The following CNTNAP4 variants were observed in gnomAD, a reference collection of about 807,000 sequenced individuals.
CNTNAP4 encodes contactin associated protein family member 4, also known as contactin-associated protein-like 4.
In CNTNAP4, 98 loss-of-function variants were observed where a neutral mutation model predicts 148.4. That is an observed-to-expected ratio of 0.66 (90% CI 0.56 to 0.78). The LOEUF (loss-of-function observed/expected upper bound fraction) is 0.78, where lower values mean the gene tolerates loss of function less well. Ranked by LOEUF, CNTNAP4 falls within the 30% of genes least tolerant of loss-of-function variation. The probability of loss-of-function intolerance (pLI) is 0.00; values close to 1 mark genes in which losing one functional copy is unlikely to be tolerated. For synonymous variants in CNTNAP4, 730 were observed against 565.1 expected, an observed-to-expected ratio of 1.29 and a Z score of -4.14; for missense variants, 1,935 against 1,565.6, an observed-to-expected ratio of 1.24 and a Z score of -3.98.
In CNTNAP4 at chr16:76,467,447, G is replaced by A. The variant is rs1167281673; in HGVS notation, c.1579G>A (p.Asp527Asn). Residue 527 changes from aspartate (D) to asparagine (N), a missense_variant, in exon 10 of 24, where the codon GAT (aspartate) becomes AAT (asparagine). By Grantham distance (23) the Asp-to-Asn change is conservative. Coordinates refer to ENST00000611870, the MANE Select transcript of CNTNAP4 (RefSeq NM_033401.5). ...CATTTCTATCAGCGGCAAAGTGGTA[G>A]ATCTGATTTCAGTTCAGCAGGGGTC... ...RLISISGKVV[D>N]LISVQQGSLG... 6.2e-7 allele frequency: 1 copy of A among 1,613,876 alleles called. No individual in the cohort carries two copies. The highest frequency in any genetic ancestry group is 2.2e-5 in the East Asian group (1 of 44,856).
chr16:76,504,040 A>T (rs987027625), intron 15 of CNTNAP4, among the ~76,000 whole-genome samples: 1 of 152,134 alleles, frequency 6.6e-6, no homozygotes, highest in Non-Finnish European at 1.5e-5. Context: ...ACTGAAAACT[A>T]TCCCAATTAA....
At chr16:76,445,729 A>ATT (rs1265898427) in intron 4 of CNTNAP4, among the ~76,000 whole-genome samples, 4 of 152,338 alleles carry the variant, frequency 2.6e-5, no homozygotes, top group African/African-American at 9.6e-5. Context: ...AACACAAGCT[A>ATT]AACCTTTAAT....
intron 4 of CNTNAP4, among the ~76,000 whole-genome samples, chr16:76,434,610 C>G (rs1485354633): frequency 6.6e-6 from 1 of 152,178 alleles, no homozygotes; most frequent in Non-Finnish European, 1.5e-5. Flanking sequence ...CTGCATCTTT[C>G]AAGTCTTTGA....
chr16:76,534,608 A>C (rs1220488889), intron 17 of CNTNAP4, among the ~76,000 whole-genome samples: 1 of 152,174 alleles, frequency 6.6e-6, no homozygotes, highest in African/African-American at 2.4e-5. Flanking sequence ...CTATCAGGGT[A>C]GTGCTTATAC....
chr16:76,351,524 C>A (rs147812521), intron 2 of CNTNAP4, among the ~76,000 whole-genome samples: 1 of 152,182 alleles, frequency 6.6e-6, no homozygotes, highest in Non-Finnish European at 1.5e-5. Flanking sequence ...TGCAGAGCTG[C>A]GCAGCTTAAA....
chr16:76,473,618 C>G (rs886874253), intron 10 of CNTNAP4, among the ~76,000 whole-genome samples: 6 of 152,016 alleles, frequency 3.9e-5, no homozygotes, highest in African/African-American at 1.4e-4. Flanking sequence ...CTAAAAAATA[C>G]AAAAAATTAG....
chr16:76,366,745 A>G (rs1329070999), intron 3 of CNTNAP4, among the ~76,000 whole-genome samples: 2 of 152,218 alleles, frequency 1.3e-5, no homozygotes, highest in Non-Finnish European at 2.9e-5. Flanking sequence ...TCCCACCAAC[A>G]GTGTATAAGT....
At chr16:76,461,903 T>A (rs2080977720) in intron 8 of CNTNAP4, 53 bp from the exon 9 acceptor site, 1 of 1,537,000 alleles carries the variant, frequency 6.5e-7, no homozygotes, top group African/African-American at 1.4e-5. Context: ...TCTAACCAAC[T>A]CCTTATAGTG....
At chr16:76,537,499 C>T (rs971427629) in intron 18 of CNTNAP4, among the ~76,000 whole-genome samples, 15 of 152,070 alleles carry the variant, frequency 9.9e-5, no homozygotes, top group African/African-American at 2.4e-5. Context: ...GGATATTAAT[C>T]TCATACCAGG....
chr16:76,357,224 T>G (rs1178835595), intron 3 of CNTNAP4, among the ~76,000 whole-genome samples: 1 of 152,208 alleles, frequency 6.6e-6, no homozygotes. Flanking sequence ...TGGATTATCT[T>G]CTGCTCTTTT....
At chr16:76,424,842 G>C (rs1182756440) in intron 3 of CNTNAP4, among the ~76,000 whole-genome samples, 1 of 152,118 alleles carries the variant, frequency 6.6e-6, no homozygotes, top group East Asian at 1.9e-4. Flanking sequence ...CAATGCTCAG[G>C]CTATGAGCGC....
chr16:76,537,339 T>C (rs2084254607), intron 18 of CNTNAP4, among the ~76,000 whole-genome samples: 1 of 152,206 alleles, frequency 6.6e-6, no homozygotes, highest in Non-Finnish European at 1.5e-5. Context: ...CTACAACTTG[T>C]ATTCAATAAC....
chr16:76,528,698 C>T (rs922005034), intron 17 of CNTNAP4, among the ~76,000 whole-genome samples: 3 of 152,154 alleles, frequency 2.0e-5, no homozygotes, highest in African/African-American at 7.2e-5. Flanking sequence ...GTTCACATCT[C>T]AGAGTGAAAC....
At chr16:76,441,046 A>G (rs1169741798) in intron 4 of CNTNAP4, among the ~76,000 whole-genome samples, 1 of 152,132 alleles carries the variant, frequency 6.6e-6, no homozygotes, top group Non-Finnish European at 1.5e-5. Flanking sequence ...TTTACAATTT[A>G]GTTGAGACCC....
chr16:76,317,957 A>G (rs915038111), intron 2 of CNTNAP4, among the ~76,000 whole-genome samples: 1 of 152,100 alleles, frequency 6.6e-6, no homozygotes, highest in African/African-American at 2.4e-5. Flanking sequence ...GTTTGAATAT[A>G]TTTGTGTAGA....
At chr16:76,498,779 A>G (rs1597741211) in intron 15 of CNTNAP4, 85 bp downstream of exon 15, 2 of 1,296,948 alleles carry the variant, frequency 1.5e-6, no homozygotes, top group African/African-American at 1.5e-5. Flanking sequence ...CGTTTCTATC[A>G]TATAATAACT....
At chr16:76,340,876 T>A (rs1332737481) in intron 2 of CNTNAP4, among the ~76,000 whole-genome samples, 3 of 152,344 alleles carry the variant, frequency 2.0e-5, no homozygotes, top group Non-Finnish European at 2.9e-5. Flanking sequence ...ATGTACTCCT[T>A]AGAATCCTCC....
At chr16:76,389,599 A>C (rs1237547240) in intron 3 of CNTNAP4, among the ~76,000 whole-genome samples, 1 of 152,058 alleles carries the variant, frequency 6.6e-6, no homozygotes, top group Non-Finnish European at 1.5e-5. Context: ...GATTACAGGA[A>C]TGTGCCACCA....
At position 76,419,883 on chromosome 16, in the gene CNTNAP4, C is replaced by T. The variant is rs778495261; in HGVS notation, c.391-7569C>T. Among the ~76,000 whole-genome samples, 5 of 151,992 alleles carry T rather than the reference C, an allele frequency of 3.3e-5. No individual in the cohort carries two copies. In the East Asian group the frequency reaches 5.8e-4, roughly 18 times the overall value. On this transcript the variant is annotated intron_variant, in intron 3 of 23. Coordinates refer to ENST00000611870, the MANE Select transcript of CNTNAP4 (RefSeq NM_033401.5). ...AAGAAAAAGAAGTCTGAGCTCTCTT[C>T]GTATTCTTATAAGGGCACTAATTTC...
Sources: gnomAD v4.1 joint callset for allele counts (sites outside exome capture counted in the v4.1 genomes callset) on GRCh38, gnomAD v4.1.1 for gene constraint, MANE v1.5 for transcripts, NCBI Gene and HGNC (gene_info 2026-07-23, HGNC 2026-07-21) for gene names.